The following CLCNKA variants were observed in gnomAD, a reference collection of about 807,000 sequenced individuals.
CLCNKA encodes the protein chloride channel protein ClC-Ka.
CLCNKA carries 66 observed loss-of-function variants against 83.3 expected under a neutral mutation model. The observed-to-expected ratio is 0.79, with a 90% CI of 0.65 to 0.97. The LOEUF (loss-of-function observed/expected upper bound fraction) is 0.97. CLCNKA is among the 50% of genes least tolerant of loss of function. The probability of loss-of-function intolerance (pLI) is 0.00; values close to 1 mark genes in which losing one functional copy is unlikely to be tolerated. For synonymous variants in CLCNKA, 357 were observed against 370.4 expected, an observed-to-expected ratio of 0.96 and a Z score of 0.42; for missense variants, 806 against 888.7, an observed-to-expected ratio of 0.91 and a Z score of 1.18.
intron 5 of CLCNKA, 44 bp downstream of exon 5, chr1:16,026,291 A>G (rs1391880836): frequency 1.3e-6 from 2 of 1,599,610 alleles, no homozygotes; most frequent in East Asian, 2.3e-5. Flanking sequence ...CGCCCACCCT[A>G]CCCTGCCCCA....
intron 19 of CLCNKA, 95 bp downstream of exon 19, chr1:16,033,351 C>T (rs2022714680): frequency 7.3e-7 from 1 of 1,369,304 alleles, no homozygotes; most frequent in Admixed American, 1.7e-5. Context: ...TGCTCCCATC[C>T]AAACCTGGGG....
Position 16,031,757 on chromosome 1 carries a change from C to T in CLCNKA, c.1670C>T (p.Thr557Ile). The change falls in exon 16 of 20, where the codon ACA becomes ATA. Residue 557 changes from threonine (T) to isoleucine (I), a missense_variant. Transcript: ENST00000331433. ...VEHFMNHSIT[T>I]LAKDTPLEEV... ...CACTTCATGAACCACAGCATCACCACACTGGCCAAGGACACGCCGCTGGAG... is the reference window on the plus strand; with the variant it reads ...CACTTCATGAACCACAGCATCACCATACTGGCCAAGGACACGCCGCTGGAG... 6.2e-7 allele frequency: 1 copy of T among 1,613,972 alleles called. No homozygotes were observed. The highest frequency in any genetic ancestry group is 8.5e-7 in the Non-Finnish European group (1 of 1,180,032).
At chr1:16,031,011 C>G (rs752355894) in intron 15 of CLCNKA, among the ~76,000 whole-genome samples, 5 of 152,172 alleles carry the variant, frequency 3.3e-5, no homozygotes, top group Admixed American at 6.5e-5. Flanking sequence ...GCACCAGATC[C>G]GAGAGGTCTC....
chr1:16,031,825 C>T lies in CLCNKA; in HGVS notation c.1738C>T (p.Pro580Ser). The stretch of plus-strand genomic sequence containing the variant: ...GACCTCCACAGACGTGACCGAGTAT[C>T]CCCTGGTGGAGAGCACAGGTGCCCA... The part of the protein sequence containing the change: ...VVTSTDVTEY[P>S]LVESTESQIL... Residue 580 changes from proline (P) to serine (S), a missense_variant, in exon 16 of 20, where the codon CCC (proline) becomes TCC (serine). Coordinates refer to ENST00000331433, the MANE Select transcript of CLCNKA (RefSeq NM_004070.4). 1 of 1,613,878 alleles carries T rather than the reference C, an allele frequency of 6.2e-7. No individual in the cohort carries two copies. The highest frequency in any genetic ancestry group is 8.5e-7 in the Non-Finnish European group (1 of 1,180,022).
chr1:16,024,756 T>A lies in CLCNKA; in HGVS notation c.230-7T>A, dbSNP rs752635322. ...TGGGTGCCTCCCTGATACGCGGCTG[T>A]CCCCAGCACACCAGTGGCTGTACAG... is the stretch of plus-strand genomic sequence containing the variant. On this transcript the variant is annotated splice_region_variant and splice_polypyrimidine_tract_variant and intron_variant, in intron 3 of 19. Coordinates refer to ENST00000331433, the MANE Select transcript of CLCNKA (RefSeq NM_004070.4). 1 of 1,613,886 alleles carries A rather than the reference T, an allele frequency of 6.2e-7. No homozygotes were observed. Among genetic ancestry groups the A allele is most frequent in the Admixed American group, 1.7e-5 (1 of 60,012 alleles).
At chr1:16,028,246 TA>T in intron 10 of CLCNKA, 127 bp downstream of exon 10, 1 of 872,492 alleles carries the variant, frequency 1.1e-6, no homozygotes. Context: ...GTGGAGCATC[TA>T]ACAACCCTCT....
At chr1:16,024,402 C>T (rs530281742) in intron 3 of CLCNKA, among the ~76,000 whole-genome samples, 25 of 152,364 alleles carry the variant, frequency 1.6e-4, no homozygotes, top group South Asian at 6.2e-4. Flanking sequence ...TATGGTGTTA[C>T]GGTGTTTGGT....
Position 16,026,119 on chromosome 1 carries a change from C to T in CLCNKA, c.370C>T (p.Pro124Ser), listed in dbSNP as rs1273018692. The T allele has an allele frequency of 2.5e-6, 4 of 1,612,610 alleles. No homozygotes were observed. Among genetic ancestry groups the T allele is most frequent in the Non-Finnish European group, 3.4e-6 (4 of 1,180,002 alleles). ...CCTGTCTGGCTAAGGTTCTGGAATC[C>T]CGGAGCTGAAGACCATGTTGGCGGG... ...ITPSSGGSGI[P>S]ELKTMLAGVI... The change falls in exon 5 of 20, where the codon CCG (proline) becomes TCG (serine). Residue 124 changes from proline to serine, a missense_variant. Pro to Ser is a moderately conservative substitution (Grantham distance 74, BLOSUM62 -1). Coordinates refer to ENST00000331433, the MANE Select transcript of CLCNKA (RefSeq NM_004070.4).
In CLCNKA at chr1:16,022,697, C is replaced by A; in HGVS notation, c.78C>A (p.Pro26=). ...TGCAGGAGCTGTGGGGCCCCTGTCCCCACATCCGCCGAGCCATCCAAGGTG... is the reference window on the plus strand; with the variant it reads ...TGCAGGAGCTGTGGGGCCCCTGTCCACACATCCGCCGAGCCATCCAAGGTG... ...VTLQELWGPC[P]HIRRAIQGGL... The change falls in exon 2 of 20, where the codon CCC becomes CCA. Residue 26 remains proline, a synonymous_variant. Coordinates refer to ENST00000331433, the MANE Select transcript of CLCNKA (RefSeq NM_004070.4). 1 of 1,546,686 alleles carries A rather than the reference C, an allele frequency of 6.5e-7. No homozygotes were observed.
At chr1:16,027,527 C>T in intron 8 of CLCNKA, 92 bp downstream of exon 8, 2 of 1,565,398 alleles carry the variant, frequency 1.3e-6, no homozygotes, top group Admixed American at 3.7e-5. Context: ...CTTGCTCTTC[C>T]CTTCCCTCTC....
In CLCNKA at chr1:16,022,711, C is replaced by G. The variant is rs866781116; in HGVS notation, c.92C>G (p.Ala31Gly). ...GGCCCCTGTCCCCACATCCGCCGAG[C>G]CATCCAAGGTGAGAGCCAGGTCCTC... ...LWGPCPHIRR[A>G]IQGGLEWLKQ... Residue 31 changes from alanine (A) to glycine (G), a missense_variant, in exon 2 of 20, where the codon GCC becomes GGC. Ala to Gly is a moderately conservative substitution (Grantham distance 60, BLOSUM62 0). Transcript: ENST00000331433. 1.6e-5 allele frequency: 24 copies of G among 1,535,832 alleles called. 1 individual carries two copies. Among genetic ancestry groups the G allele is most frequent in the Non-Finnish European group, 2.0e-5 (23 of 1,139,088 alleles).
Position 16,026,557 on chromosome 1 carries a change from G to T in CLCNKA, c.520G>T (p.Val174Leu). 1 of 1,614,060 alleles carries T rather than the reference G, an allele frequency of 6.2e-7. No homozygotes were observed. The highest frequency in any genetic ancestry group is 8.5e-7 in the Non-Finnish European group (1 of 1,180,028). ...GCAGGGCCCTTTCGTGCACCTGTCTGTAATGATCGCTGCCTACCTGGGCCG... is the reference window on the plus strand; with the variant it reads ...GCAGGGCCCTTTCGTGCACCTGTCTTTAATGATCGCTGCCTACCTGGGCCG... ...GKVGPFVHLS[V>L]MIAAYLGRVR... Residue 174 changes from valine to leucine, a missense_variant, in exon 6 of 20, where the codon GTA becomes TTA. Coordinates refer to ENST00000331433, the MANE Select transcript of CLCNKA (RefSeq NM_004070.4).
chr1:16,022,762 G>A (rs540586194), intron 2 of CLCNKA, 43 bp downstream of exon 2: 2 of 1,362,784 alleles, frequency 1.5e-6, no homozygotes, highest in Non-Finnish European at 2.0e-6. Flanking sequence ...GGACCACTCA[G>A]GACATCATTC....
chr1:16,023,767 A>C (rs1537803), intron 2 of CLCNKA, 33 bp from the exon 3 acceptor site: 4 of 1,613,040 alleles, frequency 2.5e-6, no homozygotes, highest in Non-Finnish European at 3.4e-6. Flanking sequence ...CCCTTGCCCC[A>C]ACATAAGCTG....
rs776675660 is a variant in CLCNKA, at chr1:16,031,775, C to T, written c.1688C>T (p.Pro563Leu). The change falls in exon 16 of 20, where the codon CCG (proline) becomes CTG (leucine). Residue 563 changes from proline (P) to leucine (L), a missense_variant. Coordinates refer to ENST00000331433, the MANE Select transcript of CLCNKA (RefSeq NM_004070.4). ...HSITTLAKDT[P>L]LEEVVKVVTS... ...ATCACCACACTGGCCAAGGACACGC[C>T]GCTGGAGGAGGTGGTCAAGGTTGTG... is the stretch of plus-strand genomic sequence containing the variant. The T allele has an allele frequency of 1.5e-5, 25 of 1,613,840 alleles. No individual in the cohort carries two copies. The highest frequency in any genetic ancestry group is 1.3e-4 in the South Asian group (12 of 91,088).
At position 16,027,451 on chromosome 1, in the gene CLCNKA, T is replaced by A. The variant is rs750001144; in HGVS notation, c.781+16T>A. On this transcript the variant is annotated intron_variant, in intron 8 of 19. Transcript: ENST00000331433. The stretch of plus-strand genomic sequence containing the variant: ...AGCGAGCAGGGTGAGCCCCCTGGGC[T>A]GCCTGACCCTGGCCCTGCCTGGGGG... 1.9e-6 allele frequency: 3 copies of A among 1,613,324 alleles called. No homozygotes were observed. Among genetic ancestry groups the A allele is most frequent in the Non-Finnish European group, 8.5e-7 (1 of 1,179,838 alleles).
At position 16,033,883 on chromosome 1, in the gene CLCNKA, G is replaced by A. The variant is rs1324266382; in HGVS notation, c.*225G>A. ...AAAATCCCACCTTGGGCAGAGCTGA[G>A]TGTGAGAAGATGGAAAACCAGTATC... On this transcript the variant is annotated 3_prime_UTR_variant, in exon 20 of 20. Coordinates refer to ENST00000331433, the MANE Select transcript of CLCNKA (RefSeq NM_004070.4). 1 of 649,276 alleles carries A rather than the reference G, an allele frequency of 1.5e-6. No homozygotes were observed. Among genetic ancestry groups the A allele is most frequent in the African/African-American group, 2.0e-5 (1 of 51,000 alleles). The allele number at this position is 649,276 out of a possible 1,614,324, so 40.2% of individuals were successfully genotyped here.
Position 16,028,086 on chromosome 1 carries a change from CCAAT to C in CLCNKA, c.937_940del (p.Asn313GlyfsTer35). 6.3e-7 allele frequency: 1 copy of C among 1,577,722 alleles called. No homozygotes were observed. The highest frequency in any genetic ancestry group is 1.1e-5 in the South Asian group (1 of 90,754). On this transcript the variant is annotated frameshift_variant, in exon 10 of 20. Transcript: ENST00000331433. LOFTEE classifies it high-confidence loss of function. ...CGAACCTTCCTCAGCTTCATCAAGA[CCAAT>C]CGGTACAGCTCCAAACTGCTGGCTA...
At position 16,033,691 on chromosome 1, in the gene CLCNKA, G is replaced by A. The variant is rs377004342; in HGVS notation, c.*33G>A. On this transcript the variant is annotated 3_prime_UTR_variant, in exon 20 of 20. Coordinates refer to ENST00000331433, the MANE Select transcript of CLCNKA (RefSeq NM_004070.4). ...CAGCAAGATGAAACAGGGCACCCCA[G>A]CTGACCTGGTACTGAGGTTGGGCTG... is the stretch of plus-strand genomic sequence containing the variant. 157 of 1,566,026 alleles carry A rather than the reference G, an allele frequency of 1.0e-4. No individual in the cohort carries two copies. Among genetic ancestry groups the A allele is most frequent in the Non-Finnish European group, 1.2e-4 (141 of 1,151,284 alleles).
Sources: gnomAD v4.1 joint callset for allele counts (sites outside exome capture counted in the v4.1 genomes callset) on GRCh38, gnomAD v4.1.1 for gene constraint, MANE v1.5 for transcripts, NCBI Gene and HGNC (gene_info 2026-07-23, HGNC 2026-07-21) for gene names.